The following PCDHGA2 variants were observed in gnomAD, a reference collection of about 807,000 sequenced individuals.
The protein encoded by PCDHGA2 is protocadherin gamma subfamily A, 2.
Under a neutral mutation model 59.2 loss-of-function variants are expected in PCDHGA2, and 40 were observed. The observed-to-expected ratio is 0.68, with a 90% CI of 0.52 to 0.88. The LOEUF is 0.88. Among genes scored for constraint, PCDHGA2 ranks in the 40% least tolerant of loss-of-function variants. The pLI is 0.00. For synonymous variants in PCDHGA2, 560 were observed against 526.0 expected, an observed-to-expected ratio of 1.06 and a Z score of -0.89; for missense variants, 1,226 against 1,204.0, an observed-to-expected ratio of 1.02 and a Z score of -0.27.
chr5:141,481,436 T>C (rs775003998), intron 1 of PCDHGA2, among the ~76,000 whole-genome samples: 5 of 152,220 alleles, frequency 3.3e-5, no homozygotes, highest in South Asian at 2.1e-4. Flanking sequence ...ATTGTATCAG[T>C]TTAGTACATG....
chr5:141,498,940 A>G (rs527366029), intron 2 of PCDHGA2, among the ~76,000 whole-genome samples: 57 of 140,142 alleles, frequency 4.1e-4, no homozygotes, highest in Non-Finnish European at 7.3e-4. Flanking sequence ...CAGGAAAGAA[A>G]GAAAGAAAAA....
At chr5:141,463,261 T>G (rs552225283) in intron 1 of PCDHGA2, among the ~76,000 whole-genome samples, 29 of 152,134 alleles carry the variant, frequency 1.9e-4, no homozygotes, top group African/African-American at 6.3e-4. Context: ...TAGTACTCTA[T>G]CCCATAAATT....
rs375404779 is a variant in PCDHGA2 at position 141,419,760 on chromosome 5, A to T, written c.2425-75047A>T. 11 of 1,613,876 alleles carry T rather than the reference A, an allele frequency of 6.8e-6. No homozygotes were observed. The highest frequency in any genetic ancestry group is 9.3e-6 in the Non-Finnish European group (11 of 1,179,904). On this transcript the variant is annotated intron_variant, in intron 1 of 3. Coordinates refer to ENST00000394576, the MANE Select transcript of PCDHGA2 (RefSeq NM_018915.4). ...GTGCGCATGGTGCGTGCTTTGGGTG[A>T]CAAGGACTCGGTCCGCCAGCGCCTG...
In PCDHGA2 at chr5:141,487,829, C is replaced by T. The variant is rs528435429; in HGVS notation, c.2425-6978C>T. On this transcript the variant is annotated intron_variant, in intron 1 of 3. Transcript: ENST00000394576. The surrounding 1 kb of genome is among the most constrained non-coding windows in gnomAD (Gnocchi z 5.0). ...GTTTAGCATTGGGGGCGGGTCATGC[C>T]TATATCTGAGTAAGAAATGAAAGTA... The T allele has an allele frequency of 1.1e-4, 125 of 1,182,994 alleles. No homozygotes were observed. In the Middle Eastern group the frequency reaches 3.7e-3, roughly 35 times the overall value. 73.3% of individuals were successfully genotyped at this position (1,182,994 alleles called of 1,614,324 possible).
In PCDHGA2 at chr5:141,476,574, G is replaced by C. The variant is rs746783993; in HGVS notation, c.2425-18233G>C. The C allele has an allele frequency of 1.1e-5, 18 of 1,614,084 alleles. No homozygotes were observed. The Admixed American group carries it at 1.8e-4, about 16-fold the overall frequency. On this transcript the variant is annotated intron_variant, in intron 1 of 3. Coordinates refer to ENST00000394576, the MANE Select transcript of PCDHGA2 (RefSeq NM_018915.4). The surrounding 1 kb of genome is among the most constrained non-coding windows in gnomAD (Gnocchi z 7.6). ...AGCGAGGCCGTGGCTCCGGGGACGC[G>C]CTTTCCGCTCGAGAGCGCGCACGAT...
intron 1 of PCDHGA2, chr5:141,405,551 A>G: frequency 1.6e-6 from 1 of 623,672 alleles, no homozygotes; most frequent in Non-Finnish European, 2.8e-6. Context: ...TCCCAAGTAG[A>G]GTAGCTGGGA....
intron 1 of PCDHGA2, chr5:141,371,085 A>T: frequency 6.2e-7 from 1 of 1,613,830 alleles, no homozygotes; most frequent in Non-Finnish European, 8.5e-7. Context: ...GATCAGGGTA[A>T]TTGTCGCAGA....
chr5:141,413,992 A>G (rs1437832303), intron 1 of PCDHGA2: 1 of 1,613,538 alleles, frequency 6.2e-7, no homozygotes, highest in Admixed American at 1.7e-5. Flanking sequence ...AGCCACCGAC[A>G]GGGACGAAGG....
intron 1 of PCDHGA2, chr5:141,441,209 G>A (rs1276958461): frequency 1.3e-5 from 2 of 152,158 alleles, no homozygotes; most frequent in East Asian, 3.9e-4. Flanking sequence ...TCTGCACCTT[G>A]GACAGTAATC....
chr5:141,395,264 A>C (rs2093207486), intron 1 of PCDHGA2: 1 of 1,549,832 alleles, frequency 6.5e-7, no homozygotes, highest in Non-Finnish European at 8.7e-7. Context: ...GCTTGCTTTT[A>C]ATTTCCAGAT....
At chr5:141,356,830 A>C in intron 1 of PCDHGA2, 1 of 1,614,156 alleles carries the variant, frequency 6.2e-7, no homozygotes, top group Non-Finnish European at 8.5e-7. Flanking sequence ...TCCACTCAGC[A>C]GCAATGTGTC....
intron 1 of PCDHGA2, chr5:141,385,402 T>A: frequency 6.7e-7 from 1 of 1,488,784 alleles, no homozygotes; most frequent in Non-Finnish European, 8.9e-7. Context: ...AACAAATGTT[T>A]TGAAAATAGG....
chr5:141,505,513 G>A lies in PCDHGA2; in HGVS notation c.2572+32G>A, dbSNP rs1157816684. ...GGTGTCAGTGTGTGTATGGAAGAGT[G>A]GGAGACCTGGGGTTCTGGGGTGCAT... On this transcript the variant is annotated intron_variant, in intron 3 of 3. Coordinates refer to ENST00000394576, the MANE Select transcript of PCDHGA2 (RefSeq NM_018915.4). The A allele has an allele frequency of 3.1e-6, 5 of 1,613,710 alleles. No homozygotes were observed. In the South Asian group the frequency reaches 3.3e-5, roughly 11 times the overall value.
intron 1 of PCDHGA2, chr5:141,478,540 C>T (rs1221128622): frequency 6.2e-7 from 1 of 1,606,412 alleles, no homozygotes; most frequent in East Asian, 2.2e-5. Context: ...GCGCCCCTCC[C>T]GGACAGGTAA....
At position 141,431,416 on chromosome 5, in the gene PCDHGA2, C is replaced by T. The variant is rs778722151; in HGVS notation, c.2425-63391C>T. Reference sequence around the variant, plus strand: ...TCCTTACGGCCTCCGACGGGGGCGACCCGGTGCGCACAGGCACCGCGCGCA... The same window carrying T: ...TCCTTACGGCCTCCGACGGGGGCGATCCGGTGCGCACAGGCACCGCGCGCA... On this transcript the variant is annotated intron_variant, in intron 1 of 3. Transcript: ENST00000394576. This position sits in a 1 kb window ranked among gnomAD's most constrained non-coding sequence, Gnocchi z 4.8. 2.5e-6 allele frequency: 4 copies of T among 1,613,714 alleles called. No homozygotes were observed. Among genetic ancestry groups the T allele is most frequent in the Admixed American group, 1.7e-5 (1 of 60,028 alleles).
At chr5:141,371,373 C>T in intron 1 of PCDHGA2, 1 of 1,613,972 alleles carries the variant, frequency 6.2e-7, no homozygotes, top group Non-Finnish European at 8.5e-7. Context: ...TGGTGGACAT[C>T]ACACTGCATA....
rs1390278177 is a variant in PCDHGA2, at chr5:141,366,317, G to A, written c.2424+24922G>A. The A allele has an allele frequency of 1.9e-6, 3 of 1,613,628 alleles. No homozygotes were observed. In the South Asian group the frequency reaches 3.3e-5, roughly 18 times the overall value. ...GTCAGCCACCTTCACGGTCACCGTT[G>A]CCGTGGCCGACAGGATCCCTGACAT... On this transcript the variant is annotated intron_variant, in intron 1 of 3. Coordinates refer to ENST00000394576, the MANE Select transcript of PCDHGA2 (RefSeq NM_018915.4).
chr5:141,489,151 AAG>A lies in PCDHGA2; in HGVS notation c.2425-5652_2425-5651del. ...TTTTTAAGAGGCTGGAAGGAGACAT[AAG>A]AGACTTCAGCTGCTGCATTCCAAGC... On this transcript the variant is annotated intron_variant, in intron 1 of 3. Coordinates refer to ENST00000394576, the MANE Select transcript of PCDHGA2 (RefSeq NM_018915.4). The surrounding 1 kb of genome is among the most constrained non-coding windows in gnomAD (Gnocchi z 4.5). The A allele has an allele frequency of 1.1e-6, 1 of 932,970 alleles. No homozygotes were observed. The highest frequency in any genetic ancestry group is 1.6e-6 in the Non-Finnish European group (1 of 622,054). 57.8% of individuals were successfully genotyped at this position (932,970 alleles called of 1,614,324 possible).
rs116787237 is a variant in PCDHGA2 at position 141,340,575 on chromosome 5, G to A, written c.1604G>A (p.Arg535Gln). The A allele has an allele frequency of 5.1e-4, 826 of 1,614,194 alleles. No individual in the cohort carries two copies. The African/African-American group carries it at 9.4e-3, about 18-fold the overall frequency. ...GACTTGCAAGTGTGGGTGATAGCGC[G>A]GGACAGCGGGAACCCTCCACTCAGT... ...LRDLQVWVIA[R>Q]DSGNPPLSSN... The change falls in exon 1 of 4, where the codon CGG becomes CAG. Residue 535 changes from arginine (R) to glutamine (Q), a missense_variant. By Grantham distance (43) the Arg-to-Gln change is conservative. Coordinates refer to ENST00000394576, the MANE Select transcript of PCDHGA2 (RefSeq NM_018915.4).
Sources: allele counts gnomAD v4.1 joint callset (sites outside exome capture counted in the v4.1 genomes callset), GRCh38; gene constraint gnomAD v4.1.1; non-coding constraint Gnocchi (gnomAD v3.1); transcripts MANE v1.5; gene names NCBI Gene and HGNC (gene_info 2026-07-23, HGNC 2026-07-21).